Variants in NSMCE2 observed in about 807,000 individuals in gnomAD.
NSMCE2 encodes E3 SUMO-protein ligase NSE2.
In NSMCE2, 24 loss-of-function variants were observed where a neutral mutation model predicts 23.8. The ratio of observed to expected loss-of-function variants is 1.01; its 90% CI spans 0.73 to 1.42. The LOEUF (loss-of-function observed/expected upper bound fraction) is 1.42. NSMCE2 is among the 40% of genes most tolerant of loss of function. NSMCE2 has a pLI of 0.00. For synonymous variants in NSMCE2, 92 were observed against 94.1 expected, an observed-to-expected ratio of 0.98 and a Z score of 0.13; for missense variants, 284 against 296.5, an observed-to-expected ratio of 0.96 and a Z score of 0.31.
intron 5 of NSMCE2, among the ~76,000 whole-genome samples, chr8:125,303,303 T>C (rs1828634578): frequency 6.6e-6 from 1 of 152,138 alleles, no homozygotes; most frequent in Admixed American, 6.5e-5. Flanking sequence ...TCAAGTTGTG[T>C]ATTCGAGACC....
At chr8:125,303,868 T>C (rs543781643) in intron 5 of NSMCE2, among the ~76,000 whole-genome samples, 26 of 152,350 alleles carry the variant, frequency 1.7e-4, no homozygotes, top group African/African-American at 5.5e-4. Flanking sequence ...TTTAAAGATA[T>C]ACATTGTTTG....
Position 125,319,936 on chromosome 8 carries a change from G to A in NSMCE2, c.419-37283G>A, listed in dbSNP as rs536039971. Among the ~76,000 whole-genome samples the A allele has an allele frequency of 3.7e-4, 57 of 152,176 alleles. 1 individual carries two copies. Among genetic ancestry groups the A allele is most frequent in the East Asian group, 3.9e-4 (2 of 5,166 alleles). On this transcript the variant is annotated intron_variant, in intron 5 of 7. Coordinates refer to ENST00000287437, the MANE Select transcript of NSMCE2 (RefSeq NM_173685.4). The stretch of plus-strand genomic sequence containing the variant: ...TCACGCCTGTAATCTAGCACTTTGG[G>A]AGGCCAAGGCTGGCAGATCACCTGA...
chr8:125,209,700 A>G (rs1017110820), intron 5 of NSMCE2, among the ~76,000 whole-genome samples: 3 of 152,152 alleles, frequency 2.0e-5, no homozygotes, highest in African/African-American at 7.2e-5. Flanking sequence ...TGCCTTTCCT[A>G]TGAAAGTAGT....
Position 125,183,661 on chromosome 8 carries a change from G to GTGTGTA in NSMCE2, c.418+1406_418+1407insGTGTAT, listed in dbSNP as rs549855709. Among the ~76,000 whole-genome samples the GTGTGTA allele has an allele frequency of 2.6e-5, 4 of 151,660 alleles. No homozygotes were observed. The East Asian group carries it at 7.7e-4, about 29-fold the overall frequency. On this transcript the variant is annotated intron_variant, in intron 5 of 7. Transcript: ENST00000287437. ...TGTGTGTGTGTGTGTGTGTGTGTGTGTATAGTATCTGGCACATGGACCTGT... is the reference window on the plus strand; with the variant it reads ...TGTGTGTGTGTGTGTGTGTGTGTGTGTGTGTATATAGTATCTGGCACATGGACCTGT...
At chr8:125,270,320 C>A (rs942073797) in intron 5 of NSMCE2, among the ~76,000 whole-genome samples, 1 of 152,006 alleles carries the variant, frequency 6.6e-6, no homozygotes, top group South Asian at 2.1e-4. Flanking sequence ...CAAAACTTAG[C>A]GGGGCATGGT....
intron 5 of NSMCE2, among the ~76,000 whole-genome samples, chr8:125,234,933 T>C (rs1825478868): frequency 6.6e-6 from 1 of 152,176 alleles, no homozygotes; most frequent in Non-Finnish European, 1.5e-5. Context: ...ACAGAGCCCA[T>C]TTCAAGTCCT....
chr8:125,309,772 C>A (rs932750423), intron 5 of NSMCE2, among the ~76,000 whole-genome samples: 8 of 152,132 alleles, frequency 5.3e-5, no homozygotes, highest in African/African-American at 1.9e-4. Context: ...TCCAGTTTCA[C>A]ATGAGGCCGT....
intron 7 of NSMCE2, among the ~76,000 whole-genome samples, chr8:125,358,932 T>G (rs1442804199): frequency 1.3e-5 from 2 of 152,216 alleles, no homozygotes; most frequent in Non-Finnish European, 2.9e-5. Flanking sequence ...ACATTCTTAG[T>G]ACATTTTGAT....
chr8:125,128,296 T>C (rs1167074925), intron 3 of NSMCE2, among the ~76,000 whole-genome samples: 1 of 152,144 alleles, frequency 6.6e-6, no homozygotes, highest in Non-Finnish European at 1.5e-5. Flanking sequence ...TGCCTAACAG[T>C]TGGGAGGTTG....
At chr8:125,227,858 T>A (rs1825167975) in intron 5 of NSMCE2, among the ~76,000 whole-genome samples, 1 of 152,196 alleles carries the variant, frequency 6.6e-6, no homozygotes, top group Admixed American at 6.6e-5. Context: ...AAAACTGAGA[T>A]CAGTTTAGTG....
intron 5 of NSMCE2, among the ~76,000 whole-genome samples, chr8:125,264,085 A>G (rs16900491): frequency 0.083 from 12,586 of 152,194 alleles, 597 homozygotes; most frequent in African/African-American, 0.13. Flanking sequence ...ATTTTCTCCA[A>G]CGAACATAGA....
At chr8:125,117,826 A>G (rs1361790600) in intron 3 of NSMCE2, among the ~76,000 whole-genome samples, 1 of 152,200 alleles carries the variant, frequency 6.6e-6, no homozygotes, top group Non-Finnish European at 1.5e-5. Flanking sequence ...TTTAATGCCT[A>G]TTAGGTGTTG....
chr8:125,115,538 G>A (rs543176385), intron 3 of NSMCE2, among the ~76,000 whole-genome samples: 2 of 152,296 alleles, frequency 1.3e-5, no homozygotes, highest in African/African-American at 4.8e-5. Flanking sequence ...ATCACCTGAA[G>A]TCAGGAGTTC....
At chr8:125,276,340 G>T (rs1827449384) in intron 5 of NSMCE2, among the ~76,000 whole-genome samples, 1 of 152,220 alleles carries the variant, frequency 6.6e-6, no homozygotes, top group South Asian at 2.1e-4. Context: ...TAGTTTTCCT[G>T]CCCTTCTTTG....
chr8:125,190,419 A>C (rs1270063198), intron 5 of NSMCE2, among the ~76,000 whole-genome samples: 1 of 152,236 alleles, frequency 6.6e-6, no homozygotes, highest in Non-Finnish European at 1.5e-5. Context: ...GACGGTGCCA[A>C]GGATGAAGAG....
rs1397323313 is a variant in NSMCE2 at position 125,304,935 on chromosome 8, GA to G, written c.419-52281del. The stretch of plus-strand genomic sequence containing the variant: ...GGAAAGAGAGAAAGAAAGAAGGAAA[GA>G]AAGGAAGGAAGGAAGGAAGGAAGAA... On this transcript the variant is annotated intron_variant, in intron 5 of 7. Transcript: ENST00000287437. 6.5e-5 allele frequency among the ~76,000 whole-genome samples: 3 copies of G among 46,452 alleles called. No homozygotes were observed. The Admixed American group carries it at 7.9e-4, about 12-fold the overall frequency. The allele number at this position is 46,452 out of a possible 152,430, so 30.5% of individuals were successfully genotyped here.
chr8:125,154,670 A>C (rs2130697616), intron 4 of NSMCE2, among the ~76,000 whole-genome samples: 1 of 152,350 alleles, frequency 6.6e-6, no homozygotes, highest in South Asian at 2.1e-4. Flanking sequence ...AACTGCATTT[A>C]GATCCTCAGA....
intron 5 of NSMCE2, among the ~76,000 whole-genome samples, chr8:125,272,699 G>GAT (rs10635586): frequency 0.71 from 89,284 of 125,262 alleles, 33,353 homozygotes; most frequent in Non-Finnish European, 0.82. Context: ...AGCTACTTGG[G>GAT]ATATATATAT....
At chr8:125,110,881 G>C (rs768144938) in intron 3 of NSMCE2, among the ~76,000 whole-genome samples, 6 of 148,466 alleles carry the variant, frequency 4.0e-5, no homozygotes, top group African/African-American at 1.2e-4. Flanking sequence ...GTATGGTCAT[G>C]GGGGGAAGGA....
Sources: allele counts gnomAD v4.1 joint callset (sites outside exome capture counted in the v4.1 genomes callset), GRCh38; gene constraint gnomAD v4.1.1; transcripts MANE v1.5; gene names NCBI Gene and HGNC (gene_info 2026-07-23, HGNC 2026-07-21).